Variants in RPS6KC1 observed in about 807,000 individuals in gnomAD.
RPS6KC1 encodes inactive ribosomal protein S6 kinase delta-1.
Under a neutral mutation model 103.8 loss-of-function variants are expected in RPS6KC1, and 54 were observed. That is an observed-to-expected ratio of 0.52 (90% CI 0.42 to 0.65). RPS6KC1 has a LOEUF of 0.65. Ranked by LOEUF, RPS6KC1 falls within the 30% of genes least tolerant of loss-of-function variation. The probability of loss-of-function intolerance (pLI) is 0.00; values close to 1 mark genes in which losing one functional copy is unlikely to be tolerated. For missense variants in RPS6KC1, 1,151 were observed against 1,253.8 expected (o/e 0.92, Z 1.24); for synonymous variants, 439 against 438.7 (o/e 1.00, Z -0.01).
chr1:213,150,932 C>T (rs182654659), intron 6 of RPS6KC1, among the ~76,000 whole-genome samples: 1,715 of 150,486 alleles, frequency 0.011, 49 homozygotes, highest in East Asian at 0.069. Context: ...GGCAGCTGGC[C>T]GGGCAGGGGG....
chr1:213,772,210 A>G, the RPS6KC1 span, among the ~76,000 whole-genome samples: 2 of 152,170 alleles, frequency 1.3e-5, no homozygotes, highest in Non-Finnish European at 2.9e-5. Flanking sequence ...TCAGAGGCCC[A>G]TTATGCAGCG....
intron 5 of RPS6KC1, among the ~76,000 whole-genome samples, chr1:213,122,862 T>G (rs1357831680): frequency 6.6e-6 from 1 of 152,098 alleles, no homozygotes; most frequent in Non-Finnish European, 1.5e-5. Flanking sequence ...AGGTCATTTT[T>G]TCCCCCCAAG....
the RPS6KC1 span, among the ~76,000 whole-genome samples, chr1:213,780,892 G>A: frequency 1.3e-4 from 20 of 152,170 alleles, no homozygotes; most frequent in African/African-American, 3.1e-4. Context: ...ATGTGGTGGC[G>A]TGCACCTGTT....
At chr1:213,557,444 G>A in the RPS6KC1 span, among the ~76,000 whole-genome samples, 1 of 152,196 alleles carries the variant, frequency 6.6e-6, no homozygotes, top group Non-Finnish European at 1.5e-5. Context: ...GGCTTGTGCT[G>A]TGCAGGACAT....
At position 213,273,365 on chromosome 1, in the gene RPS6KC1, T is replaced by C. The variant is rs549311571; in HGVS notation, c.*731T>C. On this transcript the variant is annotated 3_prime_UTR_variant, in exon 15 of 15. Coordinates refer to ENST00000366960, the MANE Select transcript of RPS6KC1 (RefSeq NM_012424.6). ...TTCCCTCATATTCTGTTCTTCCGAC[T>C]CCTGCTAACACACATGCAACAAAAA... 1 of 152,734 alleles carries C rather than the reference T, an allele frequency of 6.5e-6. No homozygotes were observed. Among genetic ancestry groups the C allele is most frequent in the Admixed American group, 6.5e-5 (1 of 15,292 alleles). The allele number at this position is 152,734 out of a possible 1,614,324, so 9.5% of individuals were successfully genotyped here.
the RPS6KC1 span, among the ~76,000 whole-genome samples, chr1:213,514,284 G>T: frequency 6.6e-6 from 1 of 151,968 alleles, no homozygotes; most frequent in Non-Finnish European, 1.5e-5. Context: ...CAACGTGCAG[G>T]TTTGTTACAT....
the RPS6KC1 span, among the ~76,000 whole-genome samples, chr1:213,683,465 CTCT>C: frequency 2.0e-5 from 3 of 152,166 alleles, no homozygotes; most frequent in South Asian, 6.2e-4. Flanking sequence ...CAGGCTAGTA[CTCT>C]TTTCACAAAA....
chr1:213,170,295 T>C (rs2091372222), intron 7 of RPS6KC1, among the ~76,000 whole-genome samples: 1 of 152,190 alleles, frequency 6.6e-6, no homozygotes, highest in African/African-American at 2.4e-5. Context: ...AATAGAACCA[T>C]GAAGTATATC....
chr1:213,695,142 G>T, the RPS6KC1 span, among the ~76,000 whole-genome samples: 2 of 152,298 alleles, frequency 1.3e-5, no homozygotes, highest in African/African-American at 4.8e-5. Context: ...CACATAGTAG[G>T]CACTCAATAA....
At chr1:213,301,011 C>G in the RPS6KC1 span, among the ~76,000 whole-genome samples, 1 of 152,130 alleles carries the variant, frequency 6.6e-6, no homozygotes, top group Non-Finnish European at 1.5e-5. Context: ...GTCCCTGAGC[C>G]TTTCTGGGGC....
chr1:213,071,624 A>C (rs748089257), intron 2 of RPS6KC1, among the ~76,000 whole-genome samples: 1 of 152,212 alleles, frequency 6.6e-6, no homozygotes, highest in Non-Finnish European at 1.5e-5. Context: ...ACAAGATTTC[A>C]GTATCACTTA....
At chr1:213,366,153 G>A in the RPS6KC1 span, among the ~76,000 whole-genome samples, 2 of 152,252 alleles carry the variant, frequency 1.3e-5, no homozygotes, top group African/African-American at 4.8e-5. Flanking sequence ...GTTTCTCACA[G>A]TGATCCCCCC....
the RPS6KC1 span, among the ~76,000 whole-genome samples, chr1:213,395,017 A>G: frequency 6.6e-6 from 1 of 152,156 alleles, no homozygotes; most frequent in Non-Finnish European, 1.5e-5. Context: ...TCTCTAGCAG[A>G]GCGGCTGTGC....
At chr1:213,211,311 C>T (rs747533196) in intron 8 of RPS6KC1, among the ~76,000 whole-genome samples, 6 of 152,210 alleles carry the variant, frequency 3.9e-5, no homozygotes, top group Non-Finnish European at 7.3e-5. Context: ...CTCTCTTTAG[C>T]ATAATCCGTT....
the RPS6KC1 span, among the ~76,000 whole-genome samples, chr1:213,496,549 A>G: frequency 0.31 from 47,489 of 152,018 alleles, 7,594 homozygotes; most frequent in Middle Eastern, 0.41. Context: ...TTTGAGGTCA[A>G]GGGTTTGAGA....
chr1:213,480,709 T>G, the RPS6KC1 span, among the ~76,000 whole-genome samples: 1 of 152,184 alleles, frequency 6.6e-6, no homozygotes, highest in South Asian at 2.1e-4. Context: ...TCTATTAAAG[T>G]CAGGAAAAAA....
At chr1:213,615,001 T>A in the RPS6KC1 span, among the ~76,000 whole-genome samples, 1 of 152,218 alleles carries the variant, frequency 6.6e-6, no homozygotes, top group Non-Finnish European at 1.5e-5. Context: ...TAAGTCACCA[T>A]GCCCAGCTGG....
chr1:213,270,765 T>C (rs1433776602), intron 14 of RPS6KC1, among the ~76,000 whole-genome samples: 2 of 152,104 alleles, frequency 1.3e-5, no homozygotes, highest in East Asian at 3.8e-4. Context: ...GACAATTCAG[T>C]TTTAAAATGG....
chr1:213,271,501 C>G (rs1017454537), intron 14 of RPS6KC1, among the ~76,000 whole-genome samples: 3 of 152,138 alleles, frequency 2.0e-5, no homozygotes, highest in Admixed American at 6.5e-5. Context: ...TGCGGTGGCT[C>G]ACGCCTGTAA....
Sources: gnomAD v4.1 joint callset for allele counts (sites outside exome capture counted in the v4.1 genomes callset) on GRCh38, gnomAD v4.1.1 for gene constraint, MANE v1.5 for transcripts, NCBI Gene and HGNC (gene_info 2026-07-23, HGNC 2026-07-21) for gene names.